Variants in DLG2 observed in about 807,000 individuals in gnomAD.
The protein encoded by DLG2 is discs large MAGUK scaffold protein 2, also known as disks large homolog 2.
Under a neutral mutation model 132.5 loss-of-function variants are expected in DLG2, and 45 were observed. The observed-to-expected ratio is 0.34, with a 90% CI of 0.27 to 0.44. The LOEUF is 0.44. Among genes scored for constraint, DLG2 ranks in the 20% least tolerant of loss-of-function variants. The probability of loss-of-function intolerance (pLI) is 1.00; values close to 1 mark genes in which losing one functional copy is unlikely to be tolerated. For synonymous variants in DLG2, 424 were observed against 419.6 expected (o/e 1.01, Z -0.13); for missense variants, 1,045 against 1,196.9 (o/e 0.87, Z 1.87).
intron 4 of DLG2, among the ~76,000 whole-genome samples, chr11:85,159,608 C>T (rs2077871791): frequency 6.6e-6 from 1 of 152,176 alleles, no homozygotes; most frequent in Non-Finnish European, 1.5e-5. Flanking sequence ...TTATCATAAG[C>T]TTAACCAAGT....
intron 6 of DLG2, among the ~76,000 whole-genome samples, chr11:84,654,030 T>G (rs1001709938): frequency 1.3e-5 from 2 of 152,212 alleles, no homozygotes; most frequent in Non-Finnish European, 2.9e-5. Context: ...GACTGAATGC[T>G]TTCTTAATAG....
At chr11:85,251,771 A>G (rs1434998695) in intron 4 of DLG2, among the ~76,000 whole-genome samples, 3 of 152,184 alleles carry the variant, frequency 2.0e-5, no homozygotes, top group African/African-American at 7.2e-5. Context: ...ATATTAGGCC[A>G]TAATTAGTTA....
At chr11:83,499,887 ATATATATATAT>A in intron 21 of DLG2, among the ~76,000 whole-genome samples, 1 of 100,398 alleles carries the variant, frequency 1.0e-5, no homozygotes, top group Non-Finnish European at 2.0e-5. Flanking sequence ...ATATATATAT[ATATATATATAT>A]CAGTTCTGTC....
chr11:83,650,380 G>A (rs1010468128), intron 18 of DLG2, among the ~76,000 whole-genome samples: 5 of 152,174 alleles, frequency 3.3e-5, no homozygotes, highest in Admixed American at 6.5e-5. Flanking sequence ...AGGGCTGTGA[G>A]GAAGGGGGTC....
At chr11:84,353,557 T>C (rs968081864) in intron 7 of DLG2, among the ~76,000 whole-genome samples, 3 of 152,206 alleles carry the variant, frequency 2.0e-5, no homozygotes, top group Admixed American at 6.5e-5. Context: ...GTTACAGTTA[T>C]GGCTTTTTAA....
intron 7 of DLG2, among the ~76,000 whole-genome samples, chr11:84,501,281 T>C (rs984066165): frequency 1.3e-5 from 2 of 152,202 alleles, no homozygotes; most frequent in African/African-American, 4.8e-5. Context: ...TAAGAAATAG[T>C]AGGCCAGGCT....
At chr11:83,811,998 G>C (rs1181245322) in intron 17 of DLG2, among the ~76,000 whole-genome samples, 3 of 152,036 alleles carry the variant, frequency 2.0e-5, no homozygotes, top group African/African-American at 7.2e-5. Context: ...ATGAAGACAA[G>C]AATATGTATG....
intron 10 of DLG2, among the ~76,000 whole-genome samples, chr11:84,071,552 C>T (rs554345794): frequency 1.3e-5 from 2 of 152,106 alleles, no homozygotes; most frequent in Non-Finnish European, 2.9e-5. Flanking sequence ...TTCTTTTACT[C>T]TCATTTATTC....
At chr11:84,708,503 C>T (rs1177289682) in intron 6 of DLG2, among the ~76,000 whole-genome samples, 2 of 151,782 alleles carry the variant, frequency 1.3e-5, no homozygotes, top group African/African-American at 2.4e-5. Flanking sequence ...GTGCAGTTTG[C>T]ATATTCTGGG....
chr11:84,235,556 C>A (rs920733136), intron 8 of DLG2, among the ~76,000 whole-genome samples: 1 of 151,930 alleles, frequency 6.6e-6, no homozygotes, highest in East Asian at 1.9e-4. Context: ...AAAAAAAAAT[C>A]TCTTCCCAGG....
intron 3 of DLG2, among the ~76,000 whole-genome samples, chr11:85,583,122 G>GTATATATA (rs1355453267): frequency 2.0e-4 from 10 of 49,146 alleles, no homozygotes; most frequent in African/African-American, 2.6e-4. Context: ...GTGTGTGTGT[G>GTATATATA]TGTGTGTGTA....
intron 15 of DLG2, among the ~76,000 whole-genome samples, chr11:83,916,913 G>C (rs2077017161): frequency 6.6e-6 from 1 of 152,124 alleles, no homozygotes; most frequent in African/African-American, 2.4e-5. Context: ...CAGACTACTG[G>C]TGTGACTGTG....
At chr11:83,785,602 C>A (rs532089628) in intron 18 of DLG2, among the ~76,000 whole-genome samples, 4 of 152,190 alleles carry the variant, frequency 2.6e-5, no homozygotes, top group Admixed American at 2.0e-4. Flanking sequence ...TAAAGCCAGG[C>A]ACAACTGAAA....
chr11:83,653,356 T>C (rs1311143146), intron 18 of DLG2, among the ~76,000 whole-genome samples: 5 of 152,222 alleles, frequency 3.3e-5, no homozygotes, highest in Admixed American at 6.5e-5. Flanking sequence ...GTCTTTCAAA[T>C]GCAAGCAACA....
At chr11:83,623,455 C>T (rs1414292384) in intron 19 of DLG2, among the ~76,000 whole-genome samples, 3 of 152,090 alleles carry the variant, frequency 2.0e-5, no homozygotes, top group South Asian at 2.1e-4. Flanking sequence ...CCAGACTGTC[C>T]GGAAGCAGAA....
chr11:84,874,882 A>G (rs1374463107), intron 6 of DLG2, among the ~76,000 whole-genome samples: 1 of 152,012 alleles, frequency 6.6e-6, no homozygotes, highest in Non-Finnish European at 1.5e-5. Flanking sequence ...CTAGCCACAC[A>G]TGGTGTCAGG....
At chr11:85,097,324 G>A (rs1466124741) in intron 6 of DLG2, among the ~76,000 whole-genome samples, 1 of 152,114 alleles carries the variant, frequency 6.6e-6, no homozygotes, top group Non-Finnish European at 1.5e-5. Flanking sequence ...GGGACTATCT[G>A]GAATTTTAGG....
At chr11:84,895,325 T>C (rs983283169) in intron 6 of DLG2, among the ~76,000 whole-genome samples, 2 of 152,138 alleles carry the variant, frequency 1.3e-5, no homozygotes, top group Admixed American at 6.6e-5. Context: ...AATATGATAC[T>C]AGGCACCTCA....
chr11:83,980,382 T>C (rs923863374), intron 12 of DLG2, 124 bp downstream of exon 12: 4 of 1,051,484 alleles, frequency 3.8e-6, no homozygotes, highest in Non-Finnish European at 5.3e-6. Flanking sequence ...AATAGATTTC[T>C]GCCATTTTAA....
Sources: gnomAD v4.1 joint callset for allele counts (sites outside exome capture counted in the v4.1 genomes callset) on GRCh38, gnomAD v4.1.1 for gene constraint, MANE v1.5 for transcripts, NCBI Gene and HGNC (gene_info 2026-07-23, HGNC 2026-07-21) for gene names.